Variants in CADM2 observed in about 807,000 individuals in gnomAD.
The protein encoded by CADM2 is cell adhesion molecule 2.
In CADM2, 12 loss-of-function variants were observed where a neutral mutation model predicts 49.8. That is an observed-to-expected ratio of 0.24 (90% CI 0.15 to 0.39). The LOEUF (loss-of-function observed/expected upper bound fraction) is 0.39, where lower values mean the gene tolerates loss of function less well. Among genes scored for constraint, CADM2 ranks in the 10% least tolerant of loss-of-function variants. CADM2 has a pLI of 1.00. For missense variants in CADM2, 378 were observed against 492.3 expected, an observed-to-expected ratio of 0.77 and a Z score of 2.20; for synonymous variants, 214 against 175.4, an observed-to-expected ratio of 1.22 and a Z score of -1.74.
intron 1 of CADM2, among the ~76,000 whole-genome samples, chr3:85,505,514 A>G (rs2040309367): frequency 6.6e-6 from 1 of 152,194 alleles, no homozygotes; most frequent in Admixed American, 6.6e-5. Context: ...AACATACAGA[A>G]GAATGTTTCT....
chr3:85,256,520 A>AT (rs926977848), intron 1 of CADM2, among the ~76,000 whole-genome samples: 12 of 152,182 alleles, frequency 7.9e-5, no homozygotes, highest in African/African-American at 2.6e-4. Flanking sequence ...AAATGAATTT[A>AT]TTTTTTTGGA....
chr3:85,160,612 T>C (rs531231136), intron 1 of CADM2, among the ~76,000 whole-genome samples: 2 of 152,284 alleles, frequency 1.3e-5, no homozygotes, highest in South Asian at 4.1e-4. Context: ...AATAAATAAT[T>C]AGGCTATTTT....
At chr3:85,832,461 T>G (rs888439090) in intron 3 of CADM2, among the ~76,000 whole-genome samples, 4 of 151,982 alleles carry the variant, frequency 2.6e-5, no homozygotes, top group Non-Finnish European at 5.9e-5. Flanking sequence ...TGGGATGCTT[T>G]TCATTTCTTT....
At chr3:85,520,603 TA>T in intron 1 of CADM2, among the ~76,000 whole-genome samples, 1 of 152,044 alleles carries the variant, frequency 6.6e-6, no homozygotes. Flanking sequence ...GTCATAGCTG[TA>T]GGAAACTATT....
chr3:85,352,438 A>G (rs114461418), intron 1 of CADM2, among the ~76,000 whole-genome samples: 2,799 of 152,256 alleles, frequency 0.018, 85 homozygotes, highest in African/African-American at 0.062. Flanking sequence ...GAAAAAAACC[A>G]GCTAATTTAT....
At chr3:85,873,167 A>T (rs1473635484) in intron 3 of CADM2, among the ~76,000 whole-genome samples, 2 of 152,158 alleles carry the variant, frequency 1.3e-5, no homozygotes, top group African/African-American at 4.8e-5. Flanking sequence ...TAAAGGGCCA[A>T]CCTCTTAATA....
intron 1 of CADM2, among the ~76,000 whole-genome samples, chr3:85,104,726 T>C (rs1559663822): frequency 6.6e-6 from 1 of 152,172 alleles, no homozygotes; most frequent in African/African-American, 2.4e-5. Context: ...TCCATTTGTT[T>C]GTATCGTCTT....
chr3:85,696,826 T>A (rs1187533125), intron 1 of CADM2, among the ~76,000 whole-genome samples: 1 of 151,882 alleles, frequency 6.6e-6, no homozygotes, highest in East Asian at 1.9e-4. Flanking sequence ...CAGTGTCACA[T>A]AAGTACCAGG....
intron 2 of CADM2, among the ~76,000 whole-genome samples, chr3:85,740,515 C>T (rs1390714840): frequency 6.6e-6 from 1 of 152,056 alleles, no homozygotes; most frequent in African/African-American, 2.4e-5. Context: ...TGGTATTTAT[C>T]ATTATTATTT....
chr3:85,400,434 G>A (rs1008025407), intron 1 of CADM2, among the ~76,000 whole-genome samples: 2 of 152,128 alleles, frequency 1.3e-5, no homozygotes, highest in African/African-American at 2.4e-5. Flanking sequence ...TTTCTGCCAG[G>A]CTTTGGTATC....
rs149767066 is a variant in CADM2 at position 85,335,731 on chromosome 3, A to C, written c.61+376063A>C. ...TCTTCTGTGAGATGATTGTCTATTC[A>C]TATGTCTGCCATAATCTATAATTTC... On this transcript the variant is annotated intron_variant, in intron 1 of 9. Transcript: ENST00000383699. 1.8e-4 allele frequency among the ~76,000 whole-genome samples: 28 copies of C among 151,536 alleles called. No homozygotes were observed. In the East Asian group the frequency reaches 4.7e-3, roughly 25 times the overall value.
chr3:85,928,817 T>C (rs992661015), intron 6 of CADM2, among the ~76,000 whole-genome samples: 3 of 152,070 alleles, frequency 2.0e-5, no homozygotes, highest in Admixed American at 2.0e-4. Context: ...CTTAAAGAGC[T>C]CTTACAATTT....
chr3:85,046,468 G>C (rs1281007000), intron 1 of CADM2, among the ~76,000 whole-genome samples: 1 of 151,698 alleles, frequency 6.6e-6, no homozygotes, highest in Non-Finnish European at 1.5e-5. Context: ...CTTATAAAGT[G>C]TAAAACACAG....
chr3:85,005,149 T>A (rs991463865), intron 1 of CADM2, among the ~76,000 whole-genome samples: 5 of 152,130 alleles, frequency 3.3e-5, no homozygotes, highest in African/African-American at 1.2e-4. Context: ...TCTCTCAGAT[T>A]CTGGAGTAGC....
At chr3:85,185,468 G>A (rs2041039109) in intron 1 of CADM2, among the ~76,000 whole-genome samples, 1 of 151,990 alleles carries the variant, frequency 6.6e-6, no homozygotes, top group East Asian at 1.9e-4. Context: ...ATCATATGCA[G>A]CATAAGCACT....
At chr3:85,715,980 C>G (rs2054352732) in intron 1 of CADM2, among the ~76,000 whole-genome samples, 2 of 152,108 alleles carry the variant, frequency 1.3e-5, no homozygotes, top group South Asian at 4.1e-4. Context: ...GTGCCTGCAT[C>G]TTTATAGTAG....
intron 3 of CADM2, among the ~76,000 whole-genome samples, chr3:85,868,615 C>T (rs2075808403): frequency 6.6e-6 from 1 of 152,036 alleles, no homozygotes. Flanking sequence ...TGAAATTACT[C>T]CTTTGTTTTT....
intron 1 of CADM2, among the ~76,000 whole-genome samples, chr3:85,327,607 A>C: frequency 6.7e-6 from 1 of 149,682 alleles, no homozygotes; most frequent in East Asian, 2.0e-4. Context: ...ACACACACAT[A>C]AACTATATGT....
intron 3 of CADM2, among the ~76,000 whole-genome samples, chr3:85,817,800 G>A (rs527730738): frequency 1.4e-4 from 21 of 151,986 alleles, no homozygotes; most frequent in Admixed American, 7.9e-4. Flanking sequence ...GCGACAGAGC[G>A]AGACTTCCTC....
Sources: allele counts gnomAD v4.1 joint callset (sites outside exome capture counted in the v4.1 genomes callset), GRCh38; gene constraint gnomAD v4.1.1; transcripts MANE v1.5; gene names NCBI Gene and HGNC (gene_info 2026-07-23, HGNC 2026-07-21).